Variants in CADPS2 observed in about 807,000 individuals in gnomAD.
CADPS2 encodes calcium dependent secretion activator 2, also known as calcium-dependent secretion activator 2.
A neutral mutation model predicts 172.5 loss-of-function variants in CADPS2; 93 were observed. The ratio of observed to expected loss-of-function variants is 0.54; its 90% confidence interval spans 0.46 to 0.64. The LOEUF is 0.64. Ranked by LOEUF, CADPS2 falls within the 30% of genes least tolerant of loss-of-function variation. The pLI is 0.00. For missense variants in CADPS2, 1,420 were observed against 1,565.9 expected, an observed-to-expected ratio of 0.91 and a Z score of 1.57; for synonymous variants, 546 against 555.2, an observed-to-expected ratio of 0.98 and a Z score of 0.23.
intron 1 of CADPS2, among the ~76,000 whole-genome samples, chr7:122,835,344 C>T (rs1584775487): frequency 6.6e-6 from 1 of 152,196 alleles, no homozygotes; most frequent in African/African-American, 2.4e-5. Context: ...AAAAGCAGAG[C>T]AGAAAAGCTG....
At chr7:122,336,728 T>A (rs1468284795) in intron 28 of CADPS2, among the ~76,000 whole-genome samples, 1 of 152,124 alleles carries the variant, frequency 6.6e-6, no homozygotes, top group African/African-American at 2.4e-5. Flanking sequence ...TTTAGAAAAA[T>A]TTCTCCACGA....
At chr7:122,486,021 T>C (rs1159796633) in intron 11 of CADPS2, among the ~76,000 whole-genome samples, 1 of 152,114 alleles carries the variant, frequency 6.6e-6, no homozygotes, top group Admixed American at 6.6e-5. Flanking sequence ...GGCCTGATGC[T>C]AGAACAAAAG....
intron 6 of CADPS2, among the ~76,000 whole-genome samples, chr7:122,582,933 C>T (rs1169689816): frequency 6.6e-6 from 1 of 151,934 alleles, no homozygotes; most frequent in African/African-American, 2.4e-5. Flanking sequence ...AAACTATTTA[C>T]ACTACATGTT....
intron 2 of CADPS2, among the ~76,000 whole-genome samples, chr7:122,693,919 G>A (rs1353692442): frequency 7.9e-5 from 12 of 152,156 alleles, no homozygotes; most frequent in Non-Finnish European, 1.2e-4. Flanking sequence ...AGCCAAGATC[G>A]TGCCACTGCA....
rs182498593 is a variant in CADPS2 at position 122,393,518 on chromosome 7, G to A, written c.2811C>T (p.Arg937=). The change falls in exon 21 of 30, where the codon CGC becomes CGT. Residue 937 remains arginine, a synonymous_variant. Transcript: ENST00000449022. Reference sequence around the variant, plus strand: ...TGGAAGACTCCATGAGATCCACATAGCGGACAACCAAGGGTACAAAGATTT... The same window carrying A: ...TGGAAGACTCCATGAGATCCACATAACGGACAACCAAGGGTACAAAGATTT... ...LQEIFVPLVV[R]YVDLMESSIA... is the part of the protein sequence containing the mutation. The A allele has an allele frequency of 2.5e-6, 4 of 1,613,904 alleles. No homozygotes were observed. In the African/African-American group the frequency reaches 4.0e-5, roughly 16 times the overall value.
At chr7:122,834,460 C>A (rs1011309830) in intron 1 of CADPS2, among the ~76,000 whole-genome samples, 1 of 152,130 alleles carries the variant, frequency 6.6e-6, no homozygotes, top group African/African-American at 2.4e-5. Flanking sequence ...GTGCAGCCCA[C>A]TGAGCGAGAT....
chr7:122,518,602 C>T (rs1482059058), intron 8 of CADPS2, among the ~76,000 whole-genome samples: 3 of 152,002 alleles, frequency 2.0e-5, no homozygotes, highest in African/African-American at 7.2e-5. Flanking sequence ...TAGAGATTTG[C>T]TAGCGGGTCT....
intron 24 of CADPS2, among the ~76,000 whole-genome samples, chr7:122,380,472 T>C: frequency 6.6e-6 from 1 of 152,238 alleles, no homozygotes; most frequent in African/African-American, 2.4e-5. Flanking sequence ...AGCTATTTTT[T>C]TTTTTTGTGC....
intron 25 of CADPS2, among the ~76,000 whole-genome samples, chr7:122,376,703 T>C (rs2042401728): frequency 6.6e-6 from 1 of 152,146 alleles, no homozygotes; most frequent in Non-Finnish European, 1.5e-5. Context: ...TGATCTTATG[T>C]GACTGTTATC....
intron 8 of CADPS2, among the ~76,000 whole-genome samples, chr7:122,551,813 C>T (rs4470945): frequency 3.9e-5 from 6 of 152,112 alleles, no homozygotes; most frequent in Admixed American, 6.5e-5. Flanking sequence ...AGGCCCAAAG[C>T]GAAATGCTAT....
At chr7:122,546,047 A>T (rs1393745809) in intron 8 of CADPS2, among the ~76,000 whole-genome samples, 1 of 152,158 alleles carries the variant, frequency 6.6e-6, no homozygotes, top group Admixed American at 6.6e-5. Context: ...TTACTAATGT[A>T]CTAACCTTAA....
rs538650497 is a variant in CADPS2, at chr7:122,642,023, T to C, written c.787-12695A>G. ...GGCCGGCCGTGGTGGCTCAAACCTG[T>C]AATCCCAGCACTTTGGGAAGCTGAG... On this transcript the variant is annotated intron_variant, in intron 3 of 29. Coordinates refer to ENST00000449022, the MANE Select transcript of CADPS2 (RefSeq NM_017954.11). Among the ~76,000 whole-genome samples the C allele has an allele frequency of 3.9e-5, 6 of 152,180 alleles. No homozygotes were observed. The South Asian group carries it at 6.2e-4, about 16-fold the overall frequency.
chr7:122,515,104 C>T (rs550096544), intron 8 of CADPS2, among the ~76,000 whole-genome samples: 2 of 152,164 alleles, frequency 1.3e-5, no homozygotes, highest in East Asian at 1.9e-4. Context: ...AAAACATCAC[C>T]CAAATGGTCC....
At chr7:122,435,958 G>A (rs1472061129) in intron 17 of CADPS2, among the ~76,000 whole-genome samples, 2 of 151,988 alleles carry the variant, frequency 1.3e-5, no homozygotes, top group Non-Finnish European at 2.9e-5. Flanking sequence ...TCACTGCTAG[G>A]GGCTGGGAGA....
rs150102592 is a variant in CADPS2 at position 122,676,809 on chromosome 7, C to A, written c.454-13240G>T. ...CCATCATTTCCATGGGACAAGATTC[C>A]GAACTCACTGTAAGTGCTTGGTGAC... On this transcript the variant is annotated intron_variant, in intron 2 of 29. Transcript: ENST00000449022. The A allele has an allele frequency of 4.6e-4, 362 of 783,198 alleles. 6 individuals are homozygous for A. In the East Asian group the frequency reaches 9.8e-3, roughly 21 times the overall value. The allele number at this position is 783,198 out of a possible 1,614,324, so 48.5% of individuals were successfully genotyped here.
At chr7:122,373,765 TGG>T (rs773625087) in intron 25 of CADPS2, among the ~76,000 whole-genome samples, 1 of 152,024 alleles carries the variant, frequency 6.6e-6, no homozygotes, top group Non-Finnish European at 1.5e-5. Flanking sequence ...AACAAAGAAA[TGG>T]CTTCAAAAGT....
At chr7:122,406,664 G>A (rs770805926) in intron 20 of CADPS2, among the ~76,000 whole-genome samples, 6 of 152,146 alleles carry the variant, frequency 3.9e-5, no homozygotes, top group Non-Finnish European at 8.8e-5. Flanking sequence ...TTTTATATAG[G>A]AATAAAGAGT....
chr7:122,812,385 C>T (rs914332715), intron 1 of CADPS2, among the ~76,000 whole-genome samples: 2 of 144,020 alleles, frequency 1.4e-5, no homozygotes, highest in Admixed American at 7.0e-5. Flanking sequence ...AGGTGGAAAT[C>T]ATAACCATTA....
At chr7:122,683,706 G>A (rs918943097) in intron 2 of CADPS2, among the ~76,000 whole-genome samples, 11 of 151,492 alleles carry the variant, frequency 7.3e-5, no homozygotes, top group African/African-American at 2.4e-4. Flanking sequence ...ACAGAAGGGC[G>A]GTCCTCTAAT....
Sources: gnomAD v4.1 joint callset for allele counts (sites outside exome capture counted in the v4.1 genomes callset) on GRCh38, gnomAD v4.1.1 for gene constraint, MANE v1.5 for transcripts, NCBI Gene and HGNC (gene_info 2026-07-23, HGNC 2026-07-21) for gene names.